The following FAM161B variants were observed in gnomAD, a reference collection of about 807,000 sequenced individuals.
FAM161B encodes FAM161 centrosomal protein B.
Under a neutral mutation model 61.5 loss-of-function variants are expected in FAM161B, and 46 were observed. The observed-to-expected ratio is 0.75, with a 90% CI of 0.59 to 0.96. The LOEUF is 0.96. FAM161B is among the 40% of genes least tolerant of loss of function. The probability of loss-of-function intolerance (pLI) is 0.00; values close to 1 mark genes in which losing one functional copy is unlikely to be tolerated. For synonymous variants in FAM161B, 284 were observed against 302.7 expected (o/e 0.94, Z 0.64); for missense variants, 774 against 800.7 (o/e 0.97, Z 0.40).
At position 73,932,623 on chromosome 14, in the gene FAM161B, ACTC is replaced by A; in HGVS notation, c.*1630_*1632del. The A allele has an allele frequency of 3.4e-5, 13 of 377,192 alleles. 1 individual carries two copies. The highest frequency in any genetic ancestry group is 2.7e-4 in the South Asian group (13 of 48,886). The allele number at this position is 377,192 out of a possible 1,614,324, so 23.4% of individuals were successfully genotyped here. A position where few individuals can be genotyped will look rare whatever the true frequency, so the allele number is the denominator to read the frequency against. On this transcript the variant is annotated 3_prime_UTR_variant, in exon 9 of 9. Coordinates refer to ENST00000286544, the MANE Select transcript of FAM161B (RefSeq NM_152445.3). ...CTCCACAGCTACTGAGAAAATATCC[ACTC>A]ATCATCATTATGATTTGAGATGGGG...
In FAM161B at chr14:73,937,623, A is replaced by T; in HGVS notation, c.1644T>A (p.Tyr548Ter). 1 of 1,614,064 alleles carries T rather than the reference A, an allele frequency of 6.2e-7. No individual in the cohort carries two copies. Among genetic ancestry groups the T allele is most frequent in the Non-Finnish European group, 8.5e-7 (1 of 1,179,998 alleles). The change falls in exon 7 of 9, where the codon TAT (tyrosine) becomes TAA (stop). Residue 548 changes from tyrosine (Y) to a stop codon, truncating the protein, a stop_gained. Transcript: ENST00000286544. LOFTEE classifies it high-confidence loss of function. ...EMKQRIQTRPYLFEQVAKDLA... is the reference protein window; with the variant it reads ...EMKQRIQTRP ...TTACCTTGGCAACTTGTTCAAAGAG[A>T]TAGGGCCTTGTTTGTATTCGCTGCT...
intron 6 of FAM161B, 59 bp downstream of exon 6, chr14:73,937,889 G>A (rs972324262): frequency 6.2e-7 from 1 of 1,604,670 alleles, no homozygotes. Flanking sequence ...CTGGCAATAG[G>A]CCAGTGGTCT....
intron 1 of FAM161B, 47 bp downstream of exon 1, chr14:73,949,926 C>T: frequency 6.2e-7 from 1 of 1,608,696 alleles, no homozygotes; most frequent in Non-Finnish European, 8.5e-7. Flanking sequence ...CCAACAGTTT[C>T]CTCTCCGGGA....
intron 1 of FAM161B, among the ~76,000 whole-genome samples, chr14:73,948,218 C>T (rs917514823): frequency 3.3e-5 from 5 of 152,198 alleles, no homozygotes; most frequent in Non-Finnish European, 1.5e-5. Context: ...GCCATTGGGC[C>T]CCGCCCAACG....
downstream of FAM161B, chr14:73,927,154 C>T (rs996711697): frequency 4.7e-5 from 11 of 232,982 alleles, no homozygotes; most frequent in African/African-American, 9.4e-5. Flanking sequence ...GGCACCATCT[C>T]GGCTCACTGC....
chr14:73,934,674 T>C (rs910947281), intron 8 of FAM161B, among the ~76,000 whole-genome samples: 4 of 151,838 alleles, frequency 2.6e-5, no homozygotes, highest in African/African-American at 9.7e-5. Context: ...CTCAAACTCC[T>C]GGGCTCAAGC....
downstream of FAM161B, among the ~76,000 whole-genome samples, chr14:73,930,650 T>A (rs2055897890): frequency 6.6e-6 from 1 of 152,142 alleles, no homozygotes; most frequent in African/African-American, 2.4e-5. Context: ...CAGGCTGGAG[T>A]GCAGTGCAGT....
At chr14:73,934,425 A>C in intron 8 of FAM161B, 31 bp from the exon 9 acceptor site, 1 of 1,586,498 alleles carries the variant, frequency 6.3e-7, no homozygotes, top group Non-Finnish European at 8.5e-7. Context: ...TGAAAAACAA[A>C]AAAAATTTTT....
Position 73,932,447 on chromosome 14 carries a change from T to C in FAM161B, c.*1809A>G, listed in dbSNP as rs958460553. The stretch of plus-strand genomic sequence containing the variant: ...ATCTTCATTTCTTAAGCCCAGGTGA[T>C]AGTTACTCTGTCACCACCAAAAAAG... On this transcript the variant is annotated 3_prime_UTR_variant, in exon 9 of 9. Transcript: ENST00000286544. 4 of 455,102 alleles carry C rather than the reference T, an allele frequency of 8.8e-6. No homozygotes were observed. Among genetic ancestry groups the C allele is most frequent in the Non-Finnish European group, 1.8e-5 (4 of 226,642 alleles). The allele number at this position is 455,102 out of a possible 1,614,324, so 28.2% of individuals were successfully genotyped here.
At chr14:73,938,342 C>T (rs1225786937) in intron 5 of FAM161B, among the ~76,000 whole-genome samples, 3 of 152,030 alleles carry the variant, frequency 2.0e-5, no homozygotes, top group African/African-American at 4.8e-5. Flanking sequence ...ACCTGTAATC[C>T]CAACTACTCG....
In FAM161B at chr14:73,937,677, T is replaced by C; in HGVS notation, c.1590A>G (p.Lys530=). 6.2e-7 allele frequency: 1 copy of C among 1,614,134 alleles called. No homozygotes were observed. The highest frequency in any genetic ancestry group is 8.5e-7 in the Non-Finnish European group (1 of 1,180,030). Residue 530 remains lysine (K), a synonymous_variant, in exon 7 of 9, where the codon AAA becomes AAG. Coordinates refer to ENST00000286544, the MANE Select transcript of FAM161B (RefSeq NM_152445.3). ...TTTCCTCCAGTTCTTTCTTATATTC[T>C]TTCGCTCTTTTACGGTCATTGTTCC... The part of the protein sequence containing the change: ...ENRNNDRKRA[K]EYKKELEEMK...
the FAM161B span, among the ~76,000 whole-genome samples, chr14:73,925,637 A>G: frequency 6.6e-6 from 1 of 152,022 alleles, no homozygotes; most frequent in African/African-American, 2.4e-5. Context: ...CCTGTTGGCC[A>G]GGCTAGTCTG....
intron 1 of FAM161B, among the ~76,000 whole-genome samples, 198 bp from the exon 2 acceptor site, chr14:73,946,803 A>G (rs1204895152): frequency 6.6e-6 from 1 of 152,212 alleles, no homozygotes; most frequent in African/African-American, 2.4e-5. Context: ...TTCTTGGTCT[A>G]AAGAAATTTC....
Position 73,944,734 on chromosome 14 carries a change from G to A in FAM161B, c.526C>T (p.Arg176Cys), listed in dbSNP as rs753056615. Residue 176 changes from arginine (R) to cysteine (C), a missense_variant, in exon 3 of 9, where the codon CGC (arginine) becomes TGC (cysteine). Arg to Cys is a radical substitution (Grantham distance 180, BLOSUM62 -3). Coordinates refer to ENST00000286544, the MANE Select transcript of FAM161B (RefSeq NM_152445.3). ...TTCCGGGCCTCGCGCAGCGTCATGC[G>A]GAATGGCCGAGGGACAGTAATGGAT... ...ASSITVPRPF[R>C]MTLREARKKA... The A allele has an allele frequency of 6.9e-6, 11 of 1,601,072 alleles. No homozygotes were observed. Among genetic ancestry groups the A allele is most frequent in the East Asian group, 2.2e-5 (1 of 44,614 alleles).
downstream of FAM161B, among the ~76,000 whole-genome samples, chr14:73,929,084 ACT>A (rs2140334228): frequency 6.6e-6 from 1 of 152,320 alleles, no homozygotes; most frequent in African/African-American, 2.4e-5. Flanking sequence ...AAAATCCTGC[ACT>A]GTCACTTTTT....
the FAM161B span, chr14:73,923,563 G>A: frequency 6.3e-7 from 1 of 1,588,138 alleles, no homozygotes; most frequent in South Asian, 1.1e-5. Flanking sequence ...GACAATTCAT[G>A]TGGGGAATGA....
chr14:73,929,798 CAG>C (rs1322227701), downstream of FAM161B, among the ~76,000 whole-genome samples: 1 of 150,900 alleles, frequency 6.6e-6, no homozygotes, highest in Non-Finnish European at 1.5e-5. Flanking sequence ...GTCTGGGTGA[CAG>C]AGCCAAACTC....
rs769262166 is a variant in FAM161B, at chr14:73,944,627, C to G, written c.633G>C (p.Glu211Asp). The change falls in exon 3 of 9, where the codon GAG becomes GAC. Residue 211 changes from glutamate (E) to aspartate (D), a missense_variant. Coordinates refer to ENST00000286544, the MANE Select transcript of FAM161B (RefSeq NM_152445.3). ...RAQRQGEEEAECHRQFRAQPV... is the reference protein window; with the variant it reads ...RAQRQGEEEADCHRQFRAQPV... ...GCTGTGCCCGGAACTGCCTGTGGCA[C>G]TCGGCCTCTTCCTCACCCTGCCTCT... The G allele has an allele frequency of 4.5e-5, 72 of 1,613,996 alleles. 1 individual carries two copies. The East Asian group carries it at 1.6e-3, about 36-fold the overall frequency.
At chr14:73,940,591 A>AC (rs764579731) in intron 5 of FAM161B, among the ~76,000 whole-genome samples, 1 of 150,154 alleles carries the variant, frequency 6.7e-6, no homozygotes, top group Non-Finnish European at 1.5e-5. Flanking sequence ...AGTCCCCTTT[A>AC]CCCCCCATCA....
Sources: allele counts gnomAD v4.1 joint callset (sites outside exome capture counted in the v4.1 genomes callset), GRCh38; gene constraint gnomAD v4.1.1; transcripts MANE v1.5; gene names NCBI Gene and HGNC (gene_info 2026-07-23, HGNC 2026-07-21).